PPP2R5B: variants seen among roughly 807,000 people sequenced by gnomAD.
The protein encoded by PPP2R5B is protein phosphatase 2 regulatory subunit B'beta, also known as serine/threonine-protein phosphatase 2A 56 kDa regulatory subunit beta isoform.
Under a neutral mutation model 59.9 loss-of-function variants are expected in PPP2R5B, and 19 were observed. The ratio of observed to expected loss-of-function variants is 0.32; its 90% CI spans 0.22 to 0.47. The LOEUF (loss-of-function observed/expected upper bound fraction) is 0.47. Among genes scored for constraint, PPP2R5B ranks in the 20% least tolerant of loss-of-function variants. PPP2R5B has a pLI of 1.00. For missense variants in PPP2R5B, 441 were observed against 640.2 expected (o/e 0.69, Z 3.36); for synonymous variants, 286 against 260.5 (o/e 1.10, Z -0.94).
chr11:64,932,324 G>C (rs1945235443), intron 11 of PPP2R5B, among the ~76,000 whole-genome samples: 1 of 152,182 alleles, frequency 6.6e-6, no homozygotes, highest in Non-Finnish European at 1.5e-5. Flanking sequence ...TCTGCTGCAA[G>C]CATGTGCAGA....
In PPP2R5B at chr11:64,930,631, C is replaced by T. The variant is rs759253341; in HGVS notation, c.891+42C>T. ...TCCCTGCTGCAGCAGGAGCTCCAGA[C>T]AGTCAGGGCAGCCAGTGGGTCCTGG... is the stretch of plus-strand genomic sequence containing the variant. On this transcript the variant is annotated intron_variant, in intron 8 of 13. Coordinates refer to ENST00000164133, the MANE Select transcript of PPP2R5B (RefSeq NM_006244.4). 1.9e-5 allele frequency: 30 copies of T among 1,543,962 alleles called. No individual in the cohort carries two copies. The Admixed American group carries it at 2.2e-4, about 11-fold the overall frequency.
intron 6 of PPP2R5B, among the ~76,000 whole-genome samples, chr11:64,929,939 G>C (rs1945209955): frequency 6.6e-6 from 1 of 152,120 alleles, no homozygotes; most frequent in Non-Finnish European, 1.5e-5. Context: ...TTAACATTGG[G>C]GTTGTTTTAT....
chr11:64,928,027 G>A (rs1945187249), intron 4 of PPP2R5B, 39 bp from the exon 5 acceptor site: 3 of 1,597,732 alleles, frequency 1.9e-6, no homozygotes, highest in Non-Finnish European at 2.6e-6. Flanking sequence ...GGGTGAGGCT[G>A]TTACTGAACT....
chr11:64,932,528 A>C (rs1320170334), intron 11 of PPP2R5B, among the ~76,000 whole-genome samples: 1 of 152,206 alleles, frequency 6.6e-6, no homozygotes, highest in African/African-American at 2.4e-5. Context: ...GCCTCTCCCA[A>C]GGTCACATGG....
upstream of PPP2R5B, among the ~76,000 whole-genome samples, chr11:64,920,768 T>TA (rs1408371910): frequency 6.6e-6 from 1 of 151,392 alleles, no homozygotes; most frequent in Non-Finnish European, 1.5e-5. Flanking sequence ...TAGCTGGAAT[T>TA]ACAGGCGTGC....
At position 64,932,774 on chromosome 11, in the gene PPP2R5B, C is replaced by A. The variant is rs1212935987; in HGVS notation, c.1126C>A (p.Arg376=). 1.2e-6 allele frequency: 2 copies of A among 1,613,644 alleles called. No individual in the cohort carries two copies. The highest frequency in any genetic ancestry group is 2.7e-5 in the African/African-American group (2 of 74,866). The change falls in exon 12 of 14, where the codon CGG becomes AGG. Residue 376 remains arginine, a synonymous_variant. Coordinates refer to ENST00000164133, the MANE Select transcript of PPP2R5B (RefSeq NM_006244.4). ...ATCTTGTCTGCCCCAGGTTGCAGAG[C>A]GGGCTCTGTATTTCTGGAACAATGA... ...VSSPHFQVAE[R]ALYFWNNEYI... is the part of the protein sequence containing the mutation.
At chr11:64,919,413 G>A (rs1468550314) in intron 1 of PPP2R5B, among the ~76,000 whole-genome samples, 1 of 151,744 alleles carries the variant, frequency 6.6e-6, no homozygotes, top group Non-Finnish European at 1.5e-5. Context: ...GCAGGCTGGG[G>A]GCAGTACTGT....
At chr11:64,930,250 C>A in intron 6 of PPP2R5B, 72 bp from the exon 7 acceptor site, 1 of 1,515,388 alleles carries the variant, frequency 6.6e-7, no homozygotes. Flanking sequence ...TGAGGGTGGG[C>A]AGGCAGGATG....
At chr11:64,920,771 A>C (rs533524469), upstream of PPP2R5B, among the ~76,000 whole-genome samples, 3 of 151,396 alleles carry the variant, frequency 2.0e-5, no homozygotes, top group Admixed American at 6.6e-5. Flanking sequence ...CTGGAATTAC[A>C]GGCGTGCACC....
At chr11:64,927,971 C>T in intron 4 of PPP2R5B, 68 bp downstream of exon 4, 5 of 1,560,478 alleles carry the variant, frequency 3.2e-6, no homozygotes, top group East Asian at 2.2e-5. Flanking sequence ...GAGAGGGCCT[C>T]CTTAGCCCCT....
chr11:64,929,195 A>G (rs1945203229), intron 6 of PPP2R5B, among the ~76,000 whole-genome samples: 1 of 152,210 alleles, frequency 6.6e-6, no homozygotes, highest in Admixed American at 6.5e-5. Context: ...GGGTCAGTCC[A>G]GGGGCCTAGG....
Position 64,925,776 on chromosome 11 carries a change from C to T in PPP2R5B, c.42C>T (p.Pro14=). 1.3e-6 allele frequency: 2 copies of T among 1,589,512 alleles called. No individual in the cohort carries two copies. Among genetic ancestry groups the T allele is most frequent in the African/African-American group, 1.3e-5 (1 of 74,614 alleles). Residue 14 remains proline, a synonymous_variant, in exon 2 of 14, where the codon CCC becomes CCT. Transcript: ENST00000164133. This position sits in a 1 kb window ranked among gnomAD's most constrained non-coding sequence, Gnocchi z 4.6. ...CCCCTGCAAGCACCCCCACTAGCCC[C>T]TCCTCCCCCGGGCTGTCGCCTGTGC... ...KLPPASTPTS[P]SSPGLSPVPP...
chr11:64,921,880 A>G (rs1016769224), upstream of PPP2R5B, among the ~76,000 whole-genome samples: 8 of 152,164 alleles, frequency 5.3e-5, no homozygotes, highest in African/African-American at 1.9e-4. Flanking sequence ...TTGAACATAC[A>G]TCTTTCGTTG....
At chr11:64,919,195 T>C (rs1945088091) in intron 1 of PPP2R5B, among the ~76,000 whole-genome samples, 1 of 152,052 alleles carries the variant, frequency 6.6e-6, no homozygotes, top group African/African-American at 2.4e-5. Flanking sequence ...TTTAAAAAAT[T>C]AGCAGAGTGT....
chr11:64,923,869 G>A (rs1945131383), upstream of PPP2R5B, among the ~76,000 whole-genome samples: 1 of 152,148 alleles, frequency 6.6e-6, no homozygotes, highest in African/African-American at 2.4e-5. Context: ...TAGGACGGGG[G>A]CCCAGGACTG....
At position 64,925,695 on chromosome 11, in the gene PPP2R5B, C is replaced by G. The variant is rs775416876; in HGVS notation, c.-40C>G. 1.5e-6 allele frequency: 2 copies of G among 1,327,964 alleles called. No homozygotes were observed. Among genetic ancestry groups the G allele is most frequent in the Admixed American group, 1.9e-5 (1 of 53,056 alleles). 82.3% of individuals were successfully genotyped at this position (1,327,964 alleles called of 1,614,324 possible). Reference sequence around the variant, plus strand: ...CAGCACCTCCCAGGCCCAGAGAGAACCCCCGGGGCTCTGAAAGCTTGCCCT... The same window carrying G: ...CAGCACCTCCCAGGCCCAGAGAGAAGCCCCGGGGCTCTGAAAGCTTGCCCT... On this transcript the variant is annotated 5_prime_UTR_variant, in exon 2 of 14. Transcript: ENST00000164133. This position sits in a 1 kb window ranked among gnomAD's most constrained non-coding sequence, Gnocchi z 4.6.
intron 1 of PPP2R5B, chr11:64,918,340 A>G (rs996821200): frequency 1.3e-5 from 2 of 152,208 alleles, no homozygotes; most frequent in Admixed American, 1.3e-4. Context: ...GACTTCAGGA[A>G]CAGCCATAGG....
Position 64,931,185 on chromosome 11 carries a change from A to G in PPP2R5B, c.892-251A>G, listed in dbSNP as rs748072609. ...CGTGAGCCACCACACTAGCCATATT[A>G]TGGAACCTTTTGCAAAATTTATAAA... On this transcript the variant is annotated intron_variant, in intron 8 of 13. Coordinates refer to ENST00000164133, the MANE Select transcript of PPP2R5B (RefSeq NM_006244.4). The surrounding 1 kb of genome is among the most constrained non-coding windows in gnomAD (Gnocchi z 5.0). Among the ~76,000 whole-genome samples, 3 of 152,100 alleles carry G rather than the reference A, an allele frequency of 2.0e-5. No homozygotes were observed. Among genetic ancestry groups the G allele is most frequent in the Non-Finnish European group, 2.9e-5 (2 of 68,020 alleles).
intron 2 of PPP2R5B, 81 bp downstream of exon 2, chr11:64,926,014 G>C: frequency 7.2e-7 from 1 of 1,397,932 alleles, no homozygotes; most frequent in Non-Finnish European, 9.8e-7. Context: ...GAGGCAGCGG[G>C]CAGCTGCCAA....
Sources: allele counts gnomAD v4.1 joint callset (sites outside exome capture counted in the v4.1 genomes callset), GRCh38; gene constraint gnomAD v4.1.1; non-coding constraint Gnocchi (gnomAD v3.1); transcripts MANE v1.5; gene names NCBI Gene and HGNC (gene_info 2026-07-23, HGNC 2026-07-21).